The following GRIK4 variants were observed in gnomAD, a reference collection of about 807,000 sequenced individuals.
The protein encoded by GRIK4 is glutamate ionotropic receptor kainate type subunit 4, also known as glutamate receptor ionotropic, kainate 4.
GRIK4 carries 40 observed loss-of-function variants against 104.9 expected under a neutral mutation model. The observed-to-expected ratio is 0.38, with a 90% CI of 0.30 to 0.50. The LOEUF is 0.50. Among genes scored for constraint, GRIK4 ranks in the 20% least tolerant of loss-of-function variants. The pLI is 0.93. For synonymous variants in GRIK4, 485 were observed against 524.9 expected (o/e 0.92, Z 1.04); for missense variants, 1,047 against 1,308.1 (o/e 0.80, Z 3.08).
chr11:120,565,715 A>G (rs1948313171), intron 1 of GRIK4, among the ~76,000 whole-genome samples: 1 of 152,342 alleles, frequency 6.6e-6, no homozygotes, highest in East Asian at 1.9e-4. Context: ...GTCTGGCTGC[A>G]GGCTTTGCCT....
chr11:120,819,829 C>A lies in GRIK4; in HGVS notation c.420C>A (p.His140Gln), dbSNP rs756289962. The change falls in exon 6 of 21, where the codon CAC becomes CAA. Residue 140 changes from histidine to glutamine, a missense_variant. Transcript: ENST00000527524. This position sits in a 1 kb window ranked among gnomAD's most constrained non-coding sequence, Gnocchi z 4.3. ...AGAGATTCACAACCCTGAACCTCCA[C>A]CCCAGCAACACTGACATCAGCGTGG... is the stretch of plus-strand genomic sequence containing the variant. ...QFQRFTTLNL[H>Q]PSNTDISVAV... The A allele has an allele frequency of 1.8e-5, 29 of 1,613,916 alleles. No individual in the cohort carries two copies. In the East Asian group the frequency reaches 6.5e-4, roughly 36 times the overall value.
chr11:120,518,705 G>A (rs991764022), intron 1 of GRIK4, among the ~76,000 whole-genome samples: 19 of 152,090 alleles, frequency 1.2e-4, no homozygotes, highest in Admixed American at 3.3e-4. Flanking sequence ...TGCAACCTCC[G>A]CCTCCCAGGT....
chr11:120,696,846 C>T (rs575305304), intron 3 of GRIK4, among the ~76,000 whole-genome samples: 1 of 152,286 alleles, frequency 6.6e-6, no homozygotes, highest in South Asian at 2.1e-4. Context: ...CAACCAGCTT[C>T]CTAACTCTTA....
intron 8 of GRIK4, among the ~76,000 whole-genome samples, chr11:120,840,715 CAG>C (rs746502365): frequency 1.8e-4 from 27 of 152,186 alleles, no homozygotes; most frequent in Non-Finnish European, 3.7e-4. Flanking sequence ...CATGCCAACA[CAG>C]AGAACTAGTT....
intron 1 of GRIK4, among the ~76,000 whole-genome samples, chr11:120,574,171 G>A (rs1428196699): frequency 6.6e-6 from 1 of 152,158 alleles, no homozygotes; most frequent in Non-Finnish European, 1.5e-5. Context: ...TGCGTGGTGG[G>A]GCTCTGTCAT....
intron 3 of GRIK4, among the ~76,000 whole-genome samples, chr11:120,754,748 A>G (rs900651071): frequency 6.6e-6 from 1 of 152,132 alleles, no homozygotes; most frequent in African/African-American, 2.4e-5. Flanking sequence ...TCTGTCTCAC[A>G]TGGTTTTGAT....
At chr11:120,814,232 A>G (rs1210773088) in intron 4 of GRIK4, among the ~76,000 whole-genome samples, 1 of 152,166 alleles carries the variant, frequency 6.6e-6, no homozygotes, top group Non-Finnish European at 1.5e-5. Flanking sequence ...AACAAACCCA[A>G]ATAGATACAG....
rs200804775 is a variant in GRIK4, at chr11:120,591,832, CCCT to C, written c.-158-61845_-158-61843del. On this transcript the variant is annotated intron_variant, in intron 1 of 20. Coordinates refer to ENST00000527524, the MANE Select transcript of GRIK4 (RefSeq NM_014619.5). ...TAGTCCATGCCTCTTCCTCCTGCATCCCTCCTCCTCTTCTTGCATCCCTCCCTC... is the reference window on the plus strand; with the variant it reads ...TAGTCCATGCCTCTTCCTCCTGCATCCCTCCTCTTCTTGCATCCCTCCCTC... 6.4e-3 allele frequency among the ~76,000 whole-genome samples: 970 copies of C among 152,310 alleles called. 4 individuals are homozygous for C. The highest frequency in any genetic ancestry group is 0.013 in the Admixed American group (193 of 15,292).
intron 3 of GRIK4, among the ~76,000 whole-genome samples, chr11:120,706,360 T>TG (rs1329637003): frequency 2.0e-5 from 3 of 152,216 alleles, no homozygotes; most frequent in Non-Finnish European, 4.4e-5. Flanking sequence ...CCAGCCTGAG[T>TG]GCTGTGTGGC....
intron 8 of GRIK4, among the ~76,000 whole-genome samples, chr11:120,855,888 T>C (rs534884101): frequency 6.6e-6 from 1 of 152,360 alleles, no homozygotes; most frequent in East Asian, 1.9e-4. Context: ...AGCAAAACTT[T>C]TCCCATTTGA....
intron 1 of GRIK4, among the ~76,000 whole-genome samples, chr11:120,595,870 G>A (rs921498434): frequency 4.6e-5 from 7 of 152,130 alleles, no homozygotes; most frequent in Non-Finnish European, 8.8e-5. Flanking sequence ...TTTTCGAGAT[G>A]GAGTCTTGCT....
At chr11:120,820,082 C>CGTGTGTGT (rs35140379) in intron 6 of GRIK4, among the ~76,000 whole-genome samples, 162 bp downstream of exon 6, 12 of 144,834 alleles carry the variant, frequency 8.3e-5, no homozygotes, top group Admixed American at 4.1e-4. Context: ...CTCATGTGTC[C>CGTGTGTGT]GTGTGTGTGT....
At chr11:120,521,843 A>G (rs1254439714) in intron 1 of GRIK4, among the ~76,000 whole-genome samples, 20 of 152,206 alleles carry the variant, frequency 1.3e-4, no homozygotes, top group Admixed American at 1.3e-3. Flanking sequence ...AGCTTCTATT[A>G]TCTCCCGCGG....
chr11:120,578,517 A>G (rs1281618768), intron 1 of GRIK4, among the ~76,000 whole-genome samples: 1 of 152,228 alleles, frequency 6.6e-6, no homozygotes, highest in African/African-American at 2.4e-5. Context: ...CACGTAACAC[A>G]GCTGAAGCTT....
intron 1 of GRIK4, among the ~76,000 whole-genome samples, chr11:120,515,523 C>G (rs964221304): frequency 6.6e-6 from 1 of 152,220 alleles, no homozygotes; most frequent in Non-Finnish European, 1.5e-5. Flanking sequence ...CTTCTGCTCT[C>G]CCTCTGTATG....
chr11:120,742,527 T>C (rs1951353608), intron 3 of GRIK4, among the ~76,000 whole-genome samples: 1 of 68,978 alleles, frequency 1.4e-5, no homozygotes, highest in African/African-American at 4.5e-5. Context: ...ATTATTATTA[T>C]TTTTTTTTGA....
chr11:120,921,475 G>A (rs190886480), intron 13 of GRIK4, among the ~76,000 whole-genome samples: 225 of 152,332 alleles, frequency 1.5e-3, no homozygotes, highest in African/African-American at 5.1e-3. Flanking sequence ...GTAGGTTTTC[G>A]GAAGATCCTT....
chr11:120,971,206 A>G (rs1177141403), intron 19 of GRIK4, among the ~76,000 whole-genome samples: 1 of 152,196 alleles, frequency 6.6e-6, no homozygotes, highest in Non-Finnish European at 1.5e-5. Flanking sequence ...CTCTTCAAAA[A>G]TCAACACTTA....
At chr11:120,853,635 A>C (rs190373841) in intron 8 of GRIK4, among the ~76,000 whole-genome samples, 1 of 152,368 alleles carries the variant, frequency 6.6e-6, no homozygotes, top group African/African-American at 2.4e-5. Context: ...TGACAGGTGG[A>C]TCATGTGACA....
Sources: gnomAD v4.1 joint callset for allele counts (sites outside exome capture counted in the v4.1 genomes callset) on GRCh38, gnomAD v4.1.1 for gene constraint, Gnocchi (gnomAD v3.1) non-coding constraint, MANE v1.5 for transcripts, NCBI Gene and HGNC (gene_info 2026-07-23, HGNC 2026-07-21) for gene names.